Variants in NALF1 observed in about 807,000 individuals in gnomAD.
NALF1 encodes the protein NALCN channel auxiliary factor 1.
A neutral mutation model predicts 48.4 loss-of-function variants in NALF1; 3 were observed. That is an observed-to-expected ratio of 0.06 (90% CI 0.03 to 0.16). The LOEUF (loss-of-function observed/expected upper bound fraction) is 0.16. Ranked by LOEUF, NALF1 falls within the 10% of genes least tolerant of loss-of-function variation. The pLI, the probability that NALF1 is intolerant of heterozygous loss-of-function variation, is 1.00. For synonymous variants in NALF1, 262 were observed against 245.7 expected, an observed-to-expected ratio of 1.07 and a Z score of -0.62; for missense variants, 526 against 571.5, an observed-to-expected ratio of 0.92 and a Z score of 0.81.
intron 1 of NALF1, among the ~76,000 whole-genome samples, chr13:107,675,805 C>T (rs1881104881): frequency 6.6e-6 from 1 of 152,142 alleles, no homozygotes; most frequent in Admixed American, 6.5e-5. Context: ...TATTATAGAG[C>T]CAATCCAGAT....
At chr13:107,658,506 C>T (rs1594189192) in intron 1 of NALF1, among the ~76,000 whole-genome samples, 1 of 152,142 alleles carries the variant, frequency 6.6e-6, no homozygotes, top group African/African-American at 2.4e-5. Flanking sequence ...TGAATTTGTG[C>T]TTTACCTCTA....
chr13:107,374,515 C>CATGGTA (rs1883302295), intron 1 of NALF1, among the ~76,000 whole-genome samples: 3 of 152,138 alleles, frequency 2.0e-5, no homozygotes. Flanking sequence ...TATTAAGCAG[C>CATGGTA]TTTCCCTTGA....
chr13:107,546,228 A>G (rs1302878878), intron 1 of NALF1, among the ~76,000 whole-genome samples: 1 of 152,156 alleles, frequency 6.6e-6, no homozygotes, highest in African/African-American at 2.4e-5. Context: ...GACAGGCCTC[A>G]TGAAAAGAGG....
chr13:107,461,538 C>T (rs954915562), intron 1 of NALF1, among the ~76,000 whole-genome samples: 2 of 152,182 alleles, frequency 1.3e-5, no homozygotes, highest in Non-Finnish European at 2.9e-5. Context: ...CTAAACACTT[C>T]CTACCACCAT....
chr13:107,429,938 G>A (rs1884347076), intron 1 of NALF1, among the ~76,000 whole-genome samples: 1 of 152,122 alleles, frequency 6.6e-6, no homozygotes, highest in Non-Finnish European at 1.5e-5. Context: ...AGCTTATTAA[G>A]AGCAAAATTC....
chr13:107,293,993 C>A (rs1337449851), intron 1 of NALF1, among the ~76,000 whole-genome samples: 1 of 152,192 alleles, frequency 6.6e-6, no homozygotes, highest in African/African-American at 2.4e-5. Flanking sequence ...TGCCTTAGAC[C>A]ATGTTAGCTA....
At chr13:107,501,123 AAGAC>A (rs1299945081) in intron 1 of NALF1, among the ~76,000 whole-genome samples, 1 of 152,116 alleles carries the variant, frequency 6.6e-6, no homozygotes. Flanking sequence ...TTTAAAAAAA[AAGAC>A]AGTGCCTTGG....
intron 1 of NALF1, among the ~76,000 whole-genome samples, chr13:107,506,169 T>C (rs1426293785): frequency 6.6e-6 from 1 of 152,174 alleles, no homozygotes; most frequent in East Asian, 1.9e-4. Flanking sequence ...ATTTTTGTTG[T>C]TGTCATTGTT....
At chr13:107,844,483 G>T (rs1220576637) in intron 1 of NALF1, among the ~76,000 whole-genome samples, 2 of 152,082 alleles carry the variant, frequency 1.3e-5, no homozygotes, top group Admixed American at 6.6e-5. Flanking sequence ...TTTATTAAAA[G>T]AATATTCCAC....
intron 1 of NALF1, among the ~76,000 whole-genome samples, chr13:107,621,707 C>T (rs1316947773): frequency 6.6e-6 from 1 of 152,198 alleles, no homozygotes; most frequent in African/African-American, 2.4e-5. Context: ...GTCACTCTAC[C>T]TAAATACCAA....
At chr13:107,379,950 T>C (rs1255681173) in intron 1 of NALF1, among the ~76,000 whole-genome samples, 1 of 152,172 alleles carries the variant, frequency 6.6e-6, no homozygotes, top group Non-Finnish European at 1.5e-5. Context: ...CGAGACACAG[T>C]TGAGTAAATG....
chr13:107,705,742 C>T (rs763228770), intron 1 of NALF1, among the ~76,000 whole-genome samples: 17 of 152,054 alleles, frequency 1.1e-4, no homozygotes, highest in Non-Finnish European at 1.5e-4. Flanking sequence ...CCTATCTCTG[C>T]TGAGGACAAA....
intron 1 of NALF1, among the ~76,000 whole-genome samples, chr13:107,607,300 T>C (rs1276839578): frequency 6.6e-6 from 1 of 151,994 alleles, no homozygotes; most frequent in Non-Finnish European, 1.5e-5. Flanking sequence ...TAGGCTTAAA[T>C]TAAATAAATG....
chr13:107,723,297 A>G (rs1052855427), intron 1 of NALF1, among the ~76,000 whole-genome samples: 8 of 152,104 alleles, frequency 5.3e-5, no homozygotes, highest in Non-Finnish European at 1.2e-4. Flanking sequence ...TCTGAGTTCT[A>G]TTTTTAGAAG....
intron 1 of NALF1, among the ~76,000 whole-genome samples, chr13:107,314,461 C>T (rs1016049260): frequency 1.3e-5 from 2 of 152,186 alleles, no homozygotes; most frequent in South Asian, 4.1e-4. Flanking sequence ...AGTTCCACCT[C>T]ATCTTGATTC....
At chr13:107,378,653 T>C (rs543223676) in intron 1 of NALF1, among the ~76,000 whole-genome samples, 1 of 152,296 alleles carries the variant, frequency 6.6e-6, no homozygotes, top group East Asian at 1.9e-4. Context: ...TAGCTGAGTA[T>C]TTAAAATCTA....
chr13:107,296,440 G>A (rs1881728877), intron 1 of NALF1, among the ~76,000 whole-genome samples: 1 of 152,088 alleles, frequency 6.6e-6, no homozygotes, highest in Admixed American at 6.5e-5. Flanking sequence ...AAAAAATCTA[G>A]GAAGGTGTAA....
chr13:107,344,156 C>T (rs1009358569), intron 1 of NALF1, among the ~76,000 whole-genome samples: 16 of 152,096 alleles, frequency 1.1e-4, no homozygotes, highest in Non-Finnish European at 2.1e-4. Context: ...TAGAAAATCG[C>T]AACAGATTTA....
At chr13:107,420,314 C>G (rs1884163723) in intron 1 of NALF1, among the ~76,000 whole-genome samples, 1 of 152,124 alleles carries the variant, frequency 6.6e-6, no homozygotes, top group African/African-American at 2.4e-5. Flanking sequence ...TAGTATAAAA[C>G]TTCTCATACA....
Sources: allele counts gnomAD v4.1 joint callset (sites outside exome capture counted in the v4.1 genomes callset), GRCh38; gene constraint gnomAD v4.1.1; transcripts MANE v1.5; gene names NCBI Gene and HGNC (gene_info 2026-07-23, HGNC 2026-07-21).